NLGN4Y: variants seen among roughly 807,000 people sequenced by gnomAD.
NLGN4Y encodes the protein neuroligin-4, Y-linked.
NLGN4Y carries 4 observed loss-of-function variants against 8.4 expected under a neutral mutation model. That is an observed-to-expected ratio of 0.48 (90% CI 0.23 to 1.09). The LOEUF (loss-of-function observed/expected upper bound fraction) is 1.09. Among genes scored for constraint, NLGN4Y ranks in the 50% least tolerant of loss-of-function variants. The pLI is 0.19. For synonymous variants in NLGN4Y, 35 were observed against 75.6 expected, an observed-to-expected ratio of 0.46 and a Z score of 2.78; for missense variants, 90 against 192.3, an observed-to-expected ratio of 0.47 and a Z score of 3.15.
chrY:14,793,903 A>G (rs2042996900), intron 4 of NLGN4Y: 1 of 27,418 alleles, frequency 3.6e-5, no homozygotes, highest in Admixed American at 3.6e-4. Context: ...AGTCAGAAGA[A>G]TGGCCTGAAC....
At chrY:14,529,992 C>CATAT (rs368762978) in intron 1 of NLGN4Y, among the ~76,000 whole-genome samples, 129 of 20,738 alleles carry the variant, frequency 6.2e-3, no homozygotes, top group Non-Finnish European at 1.0e-2. Context: ...CATATATGTA[C>CATAT]ATATATATAT....
At chrY:14,752,820 A>C in intron 4 of NLGN4Y, among the ~76,000 whole-genome samples, 1 of 33,484 alleles carries the variant, frequency 3.0e-5, no homozygotes, top group Admixed American at 2.8e-4. Flanking sequence ...TTTAATTTTT[A>C]GATGTGTTTA....
At chrY:14,824,634 C>T in intron 5 of NLGN4Y, among the ~76,000 whole-genome samples, 1 of 33,718 alleles carries the variant, frequency 3.0e-5, no homozygotes, top group African/African-American at 1.2e-4. Context: ...AAGCCTTCTC[C>T]AATCTCAACC....
At chrY:14,555,584 G>A (rs768258632) in intron 1 of NLGN4Y, among the ~76,000 whole-genome samples, 1 of 32,832 alleles carries the variant, frequency 3.0e-5, no homozygotes, top group South Asian at 7.1e-4. Context: ...GAGACTTGCC[G>A]AACTCCATAA....
chrY:14,724,927 C>T, intron 4 of NLGN4Y, among the ~76,000 whole-genome samples: 1 of 32,941 alleles, frequency 3.0e-5, no homozygotes, highest in Non-Finnish European at 7.5e-5. Flanking sequence ...CAGGTGTTGG[C>T]GACCTTGCCA....
intron 2 of NLGN4Y, among the ~76,000 whole-genome samples, chrY:14,697,529 G>C: frequency 3.3e-5 from 1 of 30,218 alleles, no homozygotes. Flanking sequence ...TAGATAGATA[G>C]ATAGATAGAA....
At chrY:14,582,762 A>T (rs764871628) in intron 1 of NLGN4Y, among the ~76,000 whole-genome samples, 2 of 34,426 alleles carry the variant, frequency 5.8e-5, no homozygotes, top group African/African-American at 2.3e-4. Context: ...GAGAATTAGT[A>T]TGTGTTCTCC....
chrY:14,581,233 AC>A, intron 1 of NLGN4Y, among the ~76,000 whole-genome samples: 1 of 33,016 alleles, frequency 3.0e-5, no homozygotes. Flanking sequence ...CTTAAAAATG[AC>A]CTAATGCTTC....
intron 4 of NLGN4Y, among the ~76,000 whole-genome samples, chrY:14,779,159 C>T (rs762760788): frequency 1.9e-3 from 62 of 32,862 alleles, no homozygotes; most frequent in South Asian, 8.3e-3. Context: ...AAATGATCCT[C>T]CTGCCTTGAT....
At chrY:14,688,763 C>A in intron 2 of NLGN4Y, among the ~76,000 whole-genome samples, 1 of 28,920 alleles carries the variant, frequency 3.5e-5, no homozygotes, top group Non-Finnish European at 8.1e-5. Flanking sequence ...AGAATAAGGT[C>A]AATAAAATTG....
chrY:14,545,020 A>G, intron 1 of NLGN4Y, among the ~76,000 whole-genome samples: 1 of 28,691 alleles, frequency 3.5e-5, no homozygotes, highest in Non-Finnish European at 8.1e-5. Context: ...TATGAGTGAG[A>G]ATATGCGGTG....
intron 4 of NLGN4Y, among the ~76,000 whole-genome samples, chrY:14,806,067 G>A (rs2043055963): frequency 5.9e-5 from 2 of 33,704 alleles, no homozygotes; most frequent in South Asian, 6.7e-4. Flanking sequence ...ACATGAACCC[G>A]GGAGGTAGAG....
intron 1 of NLGN4Y, among the ~76,000 whole-genome samples, chrY:14,552,879 G>A (rs985510978): frequency 3.0e-5 from 1 of 33,697 alleles, no homozygotes; most frequent in Non-Finnish European, 7.4e-5. Flanking sequence ...GATGCCCTCT[G>A]TCACCACTCC....
At chrY:14,655,407 A>G in intron 2 of NLGN4Y, among the ~76,000 whole-genome samples, 1 of 29,516 alleles carries the variant, frequency 3.4e-5, no homozygotes, top group Non-Finnish European at 8.0e-5. Flanking sequence ...TTCTACTTCC[A>G]TCTTCCATAC....
At chrY:14,671,578 G>A (rs761917125) in intron 2 of NLGN4Y, among the ~76,000 whole-genome samples, 4 of 31,005 alleles carry the variant, frequency 1.3e-4, no homozygotes, top group South Asian at 7.6e-4. Context: ...TGGGCATGGT[G>A]GGTCACACCT....
intron 1 of NLGN4Y, among the ~76,000 whole-genome samples, chrY:14,590,582 G>A: frequency 3.0e-5 from 1 of 33,190 alleles, no homozygotes; most frequent in Non-Finnish European, 7.4e-5. Flanking sequence ...TAGCTTGATG[G>A]CCTCAATTCT....
intron 1 of NLGN4Y, among the ~76,000 whole-genome samples, chrY:14,584,572 C>A (rs1603500415): frequency 3.0e-5 from 1 of 33,107 alleles, no homozygotes; most frequent in Admixed American, 2.8e-4. Flanking sequence ...GTCCTACAAC[C>A]ATTGCTGTCC....
At chrY:14,709,314 A>G in intron 2 of NLGN4Y, among the ~76,000 whole-genome samples, 1 of 33,928 alleles carries the variant, frequency 2.9e-5, no homozygotes, top group East Asian at 7.8e-4. Flanking sequence ...TGACATAGTG[A>G]TATGTATGAT....
intron 4 of NLGN4Y, among the ~76,000 whole-genome samples, chrY:14,796,127 G>A: frequency 3.0e-5 from 1 of 33,086 alleles, no homozygotes; most frequent in Non-Finnish European, 7.4e-5. Context: ...CTTGATTTCC[G>A]TCCTACAACA....
Sources: gnomAD v4.1 joint callset for allele counts (sites outside exome capture counted in the v4.1 genomes callset) on GRCh38, gnomAD v4.1.1 for gene constraint, MANE v1.5 for transcripts, NCBI Gene and HGNC (gene_info 2026-07-23, HGNC 2026-07-21) for gene names.